Variants in FOXJ1 observed in about 807,000 individuals in gnomAD.
The protein encoded by FOXJ1 is forkhead box protein J1.
In FOXJ1, 8 loss-of-function variants were observed where a neutral mutation model predicts 29.3. The ratio of observed to expected loss-of-function variants is 0.27; its 90% CI spans 0.16 to 0.49. The LOEUF (loss-of-function observed/expected upper bound fraction) is 0.49. FOXJ1 is among the 20% of genes least tolerant of loss of function. FOXJ1 has a pLI of 0.98. For synonymous variants in FOXJ1, 280 were observed against 278.7 expected, an observed-to-expected ratio of 1.00 and a Z score of -0.05; for missense variants, 539 against 595.5, an observed-to-expected ratio of 0.91 and a Z score of 0.99.
Position 76,139,859 on chromosome 17 carries a change from G to A in FOXJ1, c.498+39C>T, listed in dbSNP as rs1380030963. ...CAGTGCAGCGTGGGGAGCGAGGAGG[G>A]AATGGGGAGGGAGCGGCCGCCGCCC... On this transcript the variant is annotated intron_variant, in intron 2 of 2. Coordinates refer to ENST00000322957, the MANE Select transcript of FOXJ1 (RefSeq NM_001454.4). The surrounding 1 kb of genome is among the most constrained non-coding windows in gnomAD (Gnocchi z 6.6). 4.5e-6 allele frequency: 7 copies of A among 1,557,410 alleles called. No homozygotes were observed. In the Admixed American group the frequency reaches 5.8e-5, roughly 13 times the overall value.
chr17:76,137,486 G>A lies in FOXJ1; in HGVS notation c.1133C>T (p.Ala378Val). The change falls in exon 3 of 3, where the codon GCC becomes GTC. Residue 378 changes from alanine (A) to valine (V), a missense_variant. This residue lies in a region of FOXJ1 where 302 missense variants were observed against 293.6 expected (regional missense o/e 1.03). Transcript: ENST00000322957. The surrounding 1 kb of genome is among the most constrained non-coding windows in gnomAD (Gnocchi z 9.5). Reference sequence around the variant, plus strand: ...CCAGGGGTGCTGCAGGAAGGATGTGGCCAGGAAGGTCTCATCGAAGTCCAG... The same window carrying A: ...CCAGGGGTGCTGCAGGAAGGATGTGACCAGGAAGGTCTCATCGAAGTCCAG... ...DSLDFDETFL[A>V]TSFLQHPWDE... 1 of 1,578,402 alleles carries A rather than the reference G, an allele frequency of 6.3e-7. No homozygotes were observed. The highest frequency in any genetic ancestry group is 8.6e-7 in the Non-Finnish European group (1 of 1,163,306).
chr17:76,140,424 C>T lies in FOXJ1; in HGVS notation c.-29G>A. The T allele has an allele frequency of 7.1e-7, 1 of 1,406,692 alleles. No homozygotes were observed. Among genetic ancestry groups the T allele is most frequent in the South Asian group, 1.5e-5 (1 of 64,754 alleles). 87.1% of individuals were successfully genotyped at this position (1,406,692 alleles called of 1,614,324 possible). ...TGCGGGGACTCTCCGAGGGGGCGGTCAGCATCCACGGGCTGAGCCGGGGGT... is the reference window on the plus strand; with the variant it reads ...TGCGGGGACTCTCCGAGGGGGCGGTTAGCATCCACGGGCTGAGCCGGGGGT... On this transcript the variant is annotated 5_prime_UTR_variant, in exon 2 of 3. Transcript: ENST00000322957. The surrounding 1 kb of genome is among the most constrained non-coding windows in gnomAD (Gnocchi z 8.0).
Position 76,140,440 on chromosome 17 carries a change from A to G in FOXJ1, c.-45T>C, listed in dbSNP as rs1473066955. The G allele has an allele frequency of 1.5e-6, 2 of 1,373,180 alleles. No individual in the cohort carries two copies. The highest frequency in any genetic ancestry group is 3.1e-5 in the African/African-American group (2 of 64,846). The allele number at this position is 1,373,180 out of a possible 1,614,324, so 85.1% of individuals were successfully genotyped here. ...GGGGGCGGTCAGCATCCACGGGCTG[A>G]GCCGGGGGTGGCCCGCCGCGCTCTC... On this transcript the variant is annotated 5_prime_UTR_variant, in exon 2 of 3. Transcript: ENST00000322957. This position sits in a 1 kb window ranked among gnomAD's most constrained non-coding sequence, Gnocchi z 8.0.
chr17:76,140,333 GC>G lies in FOXJ1; in HGVS notation c.62del (p.Gly21AlafsTer13). 1 of 1,496,278 alleles carries G rather than the reference GC, an allele frequency of 6.7e-7. No individual in the cohort carries two copies. Among genetic ancestry groups the G allele is most frequent in the Non-Finnish European group, 8.8e-7 (1 of 1,129,998 alleles). 92.7% of individuals were successfully genotyped at this position (1,496,278 alleles called of 1,614,324 possible). A position where few individuals can be genotyped will look rare whatever the true frequency, so the allele number is the denominator to read the frequency against. ...CCAGGGCGTCGGGCTCCTCCAGGCC[GC>G]CCTCCGGCCCGGCCTCCTCCGCCGG... is the stretch of plus-strand genomic sequence containing the variant. ...AGPAEEAGPE[G>X]GLEEPDALDD... On this transcript the variant is annotated frameshift_variant, in exon 2 of 3. Coordinates refer to ENST00000322957, the MANE Select transcript of FOXJ1 (RefSeq NM_001454.4). LOFTEE classifies it high-confidence loss of function. The surrounding 1 kb of genome is among the most constrained non-coding windows in gnomAD (Gnocchi z 8.0).
intron 2 of FOXJ1, among the ~76,000 whole-genome samples, chr17:76,138,662 CA>C (rs2068496091): frequency 6.6e-6 from 1 of 152,040 alleles, no homozygotes; most frequent in Admixed American, 6.5e-5. Context: ...CCTGGGCCTT[CA>C]CCCCCCACGG....
rs1210671268 is a variant in FOXJ1, at chr17:76,137,923, G to A, written c.696C>T (p.Pro232=). The change falls in exon 3 of 3, where the codon CCC becomes CCT. Residue 232 remains proline (P), a synonymous_variant. Coordinates refer to ENST00000322957, the MANE Select transcript of FOXJ1 (RefSeq NM_001454.4). This position sits in a 1 kb window ranked among gnomAD's most constrained non-coding sequence, Gnocchi z 9.5. The part of the protein sequence containing the change: ...PAFARQAAQE[P]SAVPRAGPLT... ...GCGGCCCGGCCCGGGGGACAGCGCT[G>A]GGCTCCTGCGCGGCCTGGCGGGCAA... The A allele has an allele frequency of 2.5e-6, 4 of 1,571,246 alleles. No individual in the cohort carries two copies. The Admixed American group carries it at 5.6e-5, about 22-fold the overall frequency.
intron 2 of FOXJ1, among the ~76,000 whole-genome samples, chr17:76,138,691 A>AG (rs540102807): frequency 6.6e-6 from 1 of 151,776 alleles, no homozygotes; most frequent in Admixed American, 6.5e-5. Flanking sequence ...CCCCCACTCC[A>AG]GGCTCAGTTG....
In FOXJ1 at chr17:76,141,198, G is replaced by A. The variant is rs1160848562; in HGVS notation, c.-254C>T. On this transcript the variant is annotated 5_prime_UTR_variant, in exon 1 of 3. Transcript: ENST00000322957. The surrounding 1 kb of genome is among the most constrained non-coding windows in gnomAD (Gnocchi z 4.2). Reference sequence around the variant, plus strand: ...TGCGGCTCTCTGCCCCCAGCTCGGGGGCCCTGCCAGCGCCTCTTGCCGCCC... The same window carrying A: ...TGCGGCTCTCTGCCCCCAGCTCGGGAGCCCTGCCAGCGCCTCTTGCCGCCC... The A allele has an allele frequency of 6.6e-6, 1 of 152,186 alleles. No individual in the cohort carries two copies. The highest frequency in any genetic ancestry group is 1.9e-4 in the East Asian group (1 of 5,184). 9.4% of individuals were successfully genotyped at this position (152,186 alleles called of 1,614,324 possible).
chr17:76,137,913 G>T lies in FOXJ1; in HGVS notation c.706C>A (p.Pro236Thr). ...TTCACCGTCAGCGGCCCGGCCCGGG[G>T]GACAGCGCTGGGCTCCTGCGCGGCC... ...RQAAQEPSAV[P>T]RAGPLTVNTE... The change falls in exon 3 of 3, where the codon CCC becomes ACC. Residue 236 changes from proline (P) to threonine (T), a missense_variant. Coordinates refer to ENST00000322957, the MANE Select transcript of FOXJ1 (RefSeq NM_001454.4). This position sits in a 1 kb window ranked among gnomAD's most constrained non-coding sequence, Gnocchi z 9.5. 1 of 1,566,130 alleles carries T rather than the reference G, an allele frequency of 6.4e-7. No individual in the cohort carries two copies. Among genetic ancestry groups the T allele is most frequent in the Non-Finnish European group, 8.7e-7 (1 of 1,155,760 alleles).
rs1471838105 is a variant in FOXJ1, at chr17:76,140,955, A to G, written c.-170+159T>C. ...TTATGATAGGGGATCATTGGGAAGG[A>G]AGGGGACGGAACAGTAACGGGGGGC... is the stretch of plus-strand genomic sequence containing the variant. On this transcript the variant is annotated intron_variant, in intron 1 of 2. Coordinates refer to ENST00000322957, the MANE Select transcript of FOXJ1 (RefSeq NM_001454.4). The surrounding 1 kb of genome is among the most constrained non-coding windows in gnomAD (Gnocchi z 8.0). 6.6e-6 allele frequency among the ~76,000 whole-genome samples: 1 copy of G among 152,036 alleles called. No individual in the cohort carries two copies. The highest frequency in any genetic ancestry group is 1.5e-5 in the Non-Finnish European group (1 of 68,002).
In FOXJ1 at chr17:76,137,878, G is replaced by T; in HGVS notation, c.741C>A (p.Ala247=). The change falls in exon 3 of 3, where the codon GCC becomes GCA. Residue 247 remains alanine (A), a synonymous_variant. Transcript: ENST00000322957. This position sits in a 1 kb window ranked among gnomAD's most constrained non-coding sequence, Gnocchi z 9.5. ...CCTCGAACTCCCGCAGCAGCTGCTG[G>T]GCCTCGGTATTCACCGTCAGCGGCC... The part of the protein sequence containing the change: ...RAGPLTVNTE[A]QQLLREFEEA... The T allele has an allele frequency of 1.3e-6, 2 of 1,581,224 alleles. No individual in the cohort carries two copies. Among genetic ancestry groups the T allele is most frequent in the Non-Finnish European group, 1.7e-6 (2 of 1,163,548 alleles).
Position 76,140,736 on chromosome 17 carries a change from T to C in FOXJ1, c.-169-172A>G. ...CCCACCCCCATCAGATCTGCCTCCC[T>C]CTTCCTTTCCTCTTCGAGGTTTTAT... is the stretch of plus-strand genomic sequence containing the variant. On this transcript the variant is annotated intron_variant, in intron 1 of 2. Coordinates refer to ENST00000322957, the MANE Select transcript of FOXJ1 (RefSeq NM_001454.4). The surrounding 1 kb of genome is among the most constrained non-coding windows in gnomAD (Gnocchi z 8.0). The C allele has an allele frequency of 3.6e-6, 1 of 277,702 alleles. No homozygotes were observed. Among genetic ancestry groups the C allele is most frequent in the Non-Finnish European group, 6.7e-6 (1 of 149,060 alleles). The allele number at this position is 277,702 out of a possible 1,614,324, so 17.2% of individuals were successfully genotyped here.
chr17:76,139,945 T>G lies in FOXJ1; in HGVS notation c.451A>C (p.Ile151Leu). 6.2e-7 allele frequency: 1 copy of G among 1,612,106 alleles called. No homozygotes were observed. The highest frequency in any genetic ancestry group is 8.5e-7 in the Non-Finnish European group (1 of 1,179,220). ...KITLSAIYKW[I>L]TDNFCYFRHA... ...CGGAAGTAGCAGAAGTTGTCCGTGATCCACTTGTAGATGGCCGACAGGGTG... is the reference window on the plus strand; with the variant it reads ...CGGAAGTAGCAGAAGTTGTCCGTGAGCCACTTGTAGATGGCCGACAGGGTG... The change falls in exon 2 of 3, where the codon ATC (isoleucine) becomes CTC (leucine). Residue 151 changes from isoleucine (I) to leucine (L), a missense_variant. Around this residue, in one of 3 missense-constraint regions of FOXJ1, gnomAD observed 178 missense variants for 254.4 expected, o/e 0.70. Coordinates refer to ENST00000322957, the MANE Select transcript of FOXJ1 (RefSeq NM_001454.4). The surrounding 1 kb of genome is among the most constrained non-coding windows in gnomAD (Gnocchi z 6.6).
Position 76,138,067 on chromosome 17 carries a change from C to T in FOXJ1, c.552G>A (p.Arg184=), listed in dbSNP as rs1458307037. ...SLNKCFIKVP[R]EKDEPGKGGF... ...CCCCCTTGCCTGGTTCGTCCTTCTC[C>T]CGAGGCACTTTGATGAAGCACTTGT... is the stretch of plus-strand genomic sequence containing the variant. The change falls in exon 3 of 3, where the codon CGG becomes CGA. Residue 184 remains arginine (R), a synonymous_variant. Transcript: ENST00000322957. The T allele has an allele frequency of 6.2e-7, 1 of 1,613,940 alleles. No individual in the cohort carries two copies. The highest frequency in any genetic ancestry group is 8.5e-7 in the Non-Finnish European group (1 of 1,180,020).
Position 76,137,720 on chromosome 17 carries a change from C to A in FOXJ1, c.899G>T (p.Gly300Val), listed in dbSNP as rs2068488315. Residue 300 changes from glycine to valine, a missense_variant, in exon 3 of 3, where the codon GGT becomes GTT. By Grantham distance (109) the Gly-to-Val change is moderately radical. Transcript: ENST00000322957. The surrounding 1 kb of genome is among the most constrained non-coding windows in gnomAD (Gnocchi z 9.5). The part of the protein sequence containing the change: ...STLLPTPEEQ[G>V]ELEPLKGNFD... ...GTTGCCTTTGAGGGGTTCCAGCTCA[C>A]CCTGCTCCTCCGGGGTGGGCAGCAG... The A allele has an allele frequency of 1.9e-6, 3 of 1,611,938 alleles. No individual in the cohort carries two copies. Among genetic ancestry groups the A allele is most frequent in the Admixed American group, 1.7e-5 (1 of 59,950 alleles).
chr17:76,140,101 T>C lies in FOXJ1; in HGVS notation c.295A>G (p.Ser99Gly). The C allele has an allele frequency of 6.3e-7, 1 of 1,594,044 alleles. No homozygotes were observed. Among genetic ancestry groups the C allele is most frequent in the Non-Finnish European group, 8.5e-7 (1 of 1,175,962 alleles). Reference sequence around the variant, plus strand: ...GGGGCCTGCAGCCCCGGGGGCGCGCTCCGCGACGTGCACGACGACGTGGGC... The same window carrying C: ...GGGGCCTGCAGCCCCGGGGGCGCGCCCCGCGACGTGCACGACGACGTGGGC... Reference protein sequence around the residue: ...GKPTSSCTSRSAPPGLQAPPP... With the variant: ...GKPTSSCTSRGAPPGLQAPPP... The change falls in exon 2 of 3, where the codon AGC becomes GGC. Residue 99 changes from serine to glycine, a missense_variant. Ser to Gly is a moderately conservative substitution (Grantham distance 56). Coordinates refer to ENST00000322957, the MANE Select transcript of FOXJ1 (RefSeq NM_001454.4). This position sits in a 1 kb window ranked among gnomAD's most constrained non-coding sequence, Gnocchi z 8.0.
chr17:76,137,146 G>A lies in FOXJ1; in HGVS notation c.*207C>T. The A allele has an allele frequency of 4.2e-6, 2 of 476,290 alleles. No individual in the cohort carries two copies. The highest frequency in any genetic ancestry group is 7.3e-6 in the Non-Finnish European group (2 of 273,110). 29.5% of individuals were successfully genotyped at this position (476,290 alleles called of 1,614,324 possible). Reference sequence around the variant, plus strand: ...AAGGTGGGGCTGGGGAGAGGAGGCAGCGATTCTGGTCCTGGGCCCTCGTTT... The same window carrying A: ...AAGGTGGGGCTGGGGAGAGGAGGCAACGATTCTGGTCCTGGGCCCTCGTTT... On this transcript the variant is annotated 3_prime_UTR_variant, in exon 3 of 3. Transcript: ENST00000322957. The surrounding 1 kb of genome is among the most constrained non-coding windows in gnomAD (Gnocchi z 9.5).
In FOXJ1 at chr17:76,141,229, C is replaced by CTT. The variant is rs1286043685; in HGVS notation, c.-286_-285insAA. Reference sequence around the variant, plus strand: ...GCCAGCGCCTCTTGCCGCCCCCCCGCCCGACGGCGCTTCTCTGAGCTACCG... The same window carrying CTT: ...GCCAGCGCCTCTTGCCGCCCCCCCGCTTCCGACGGCGCTTCTCTGAGCTACCG... On this transcript the variant is annotated 5_prime_UTR_variant, in exon 1 of 3. Transcript: ENST00000322957. This position sits in a 1 kb window ranked among gnomAD's most constrained non-coding sequence, Gnocchi z 4.2. 1 of 152,370 alleles carries CTT rather than the reference C, an allele frequency of 6.6e-6. No individual in the cohort carries two copies. Among genetic ancestry groups the CTT allele is most frequent in the African/African-American group, 2.4e-5 (1 of 41,424 alleles). The allele number at this position is 152,370 out of a possible 1,614,324, so 9.4% of individuals were successfully genotyped here.
At position 76,137,243 on chromosome 17, in the gene FOXJ1, G is replaced by A; in HGVS notation, c.*110C>T. 9.8e-7 allele frequency: 1 copy of A among 1,019,220 alleles called. No individual in the cohort carries two copies. The highest frequency in any genetic ancestry group is 1.3e-6 in the Non-Finnish European group (1 of 749,184). 63.1% of individuals were successfully genotyped at this position (1,019,220 alleles called of 1,614,324 possible). A position where few individuals can be genotyped will look rare whatever the true frequency, so the allele number is the denominator to read the frequency against. The stretch of plus-strand genomic sequence containing the variant: ...TGTGGCCTCTGGGGCAAGCCTTGGA[G>A]CCCTGGCCCAGCCCCTGCCTAGGTG... On this transcript the variant is annotated 3_prime_UTR_variant, in exon 3 of 3. Coordinates refer to ENST00000322957, the MANE Select transcript of FOXJ1 (RefSeq NM_001454.4). The surrounding 1 kb of genome is among the most constrained non-coding windows in gnomAD (Gnocchi z 9.5).
Sources: gnomAD v4.1 joint callset for allele counts (sites outside exome capture counted in the v4.1 genomes callset) on GRCh38, gnomAD v4.1.1 for gene constraint, gnomAD v4.1.1 regional missense constraint, Gnocchi (gnomAD v3.1) non-coding constraint, MANE v1.5 for transcripts, NCBI Gene and HGNC (gene_info 2026-07-23, HGNC 2026-07-21) for gene names.